The following ENTPD3 variants were observed in gnomAD, a reference collection of about 807,000 sequenced individuals.
The protein encoded by ENTPD3 is CD39 antigen-like 3.
ENTPD3 carries 60 observed loss-of-function variants against 51.2 expected under a neutral mutation model. That is an observed-to-expected ratio of 1.17 (90% CI 0.95 to 1.45). ENTPD3 has a LOEUF of 1.45. ENTPD3 is among the 40% of genes most tolerant of loss of function. ENTPD3 has a pLI of 0.00. For missense variants in ENTPD3, 593 were observed against 641.1 expected, an observed-to-expected ratio of 0.93 and a Z score of 0.81; for synonymous variants, 221 against 238.4, an observed-to-expected ratio of 0.93 and a Z score of 0.67.
chr3:40,390,495 CAA>C (rs1166148820), intron 2 of ENTPD3, among the ~76,000 whole-genome samples: 2 of 152,072 alleles, frequency 1.3e-5, no homozygotes, highest in Non-Finnish European at 2.9e-5. Flanking sequence ...ATACCCAGCC[CAA>C]GATTATTATT....
intron 4 of ENTPD3, among the ~76,000 whole-genome samples, chr3:40,408,032 G>A (rs975965309): frequency 6.6e-6 from 1 of 152,046 alleles, no homozygotes; most frequent in Non-Finnish European, 1.5e-5. Flanking sequence ...GACACCTCAC[G>A]GATCCAATCA....
Position 40,421,963 on chromosome 3 carries a change from T to C in ENTPD3, c.832-887T>C, listed in dbSNP as rs2125610563. On this transcript the variant is annotated intron_variant, in intron 7 of 10. Coordinates refer to ENST00000301825, the MANE Select transcript of ENTPD3 (RefSeq NM_001248.4). ...ACTTTCATATGTTTATTTGTACCTT[T>C]TGGATTATTTTGCTAGATGGATGGG... 2.0e-5 allele frequency among the ~76,000 whole-genome samples: 3 copies of C among 152,286 alleles called. No homozygotes were observed. In the Middle Eastern group the frequency reaches 0.01, roughly 518 times the overall value.
intron 4 of ENTPD3, among the ~76,000 whole-genome samples, chr3:40,407,366 T>C (rs985988967): frequency 1.3e-5 from 2 of 152,218 alleles, no homozygotes; most frequent in Non-Finnish European, 2.9e-5. Flanking sequence ...ACTTTACTTG[T>C]GGACACTGAC....
At chr3:40,424,012 TTGTA>T (rs1329804747) in intron 10 of ENTPD3, 49 bp downstream of exon 10, 8 of 1,612,524 alleles carry the variant, frequency 5.0e-6, no homozygotes. Context: ...ACAGAGAGGT[TTGTA>T]TGTGTGTGTG....
At chr3:40,395,740 C>T (rs1399884245) in intron 3 of ENTPD3, among the ~76,000 whole-genome samples, 2 of 152,162 alleles carry the variant, frequency 1.3e-5, no homozygotes, top group African/African-American at 4.8e-5. Flanking sequence ...GTCCTTCTGG[C>T]ATATTTTGTG....
At chr3:40,417,610 C>T (rs1042386141) in intron 7 of ENTPD3, among the ~76,000 whole-genome samples, 13 of 152,102 alleles carry the variant, frequency 8.5e-5, no homozygotes, top group Admixed American at 1.3e-4. Flanking sequence ...CCTTCCATGG[C>T]TCCCATCCCA....
chr3:40,415,880 A>ACTT lies in ENTPD3; in HGVS notation c.638_639insCTT (p.Glu213delinsAspLeu). 6.2e-7 allele frequency: 1 copy of ACTT among 1,614,124 alleles called. No individual in the cohort carries two copies. Among genetic ancestry groups the ACTT allele is most frequent in the East Asian group, 2.2e-5 (1 of 44,866 alleles). On this transcript the variant is annotated protein_altering_variant, in exon 7 of 11. Transcript: ENST00000301825. ...ATGTGGGTGCACCCGCATGGAGTGGAAACCACGGGTGCCCTGGACTTAGGT... is the reference window on the plus strand; with the variant it reads ...ATGTGGGTGCACCCGCATGGAGTGGACTTAACCACGGGTGCCCTGGACTTAGGT...
chr3:40,411,351 T>TA (rs1401994196), intron 4 of ENTPD3, among the ~76,000 whole-genome samples: 1 of 151,548 alleles, frequency 6.6e-6, no homozygotes, highest in African/African-American at 2.4e-5. Flanking sequence ...TGTACAGGTA[T>TA]AATAATTCAA....
rs753376689 is a variant in ENTPD3 at position 40,424,011 on chromosome 3, TTTG to T, written c.1353+50_1353+52del. The T allele has an allele frequency of 3.5e-5, 56 of 1,612,488 alleles. 1 individual carries two copies. In the Admixed American group the frequency reaches 9.3e-4, roughly 27 times the overall value. ...TCTCTTCTTCTTCCCAACAGAGAGG[TTTG>T]TATGTGTGTGTGGAACAAATGTAGA... On this transcript the variant is annotated intron_variant, in intron 10 of 10. Transcript: ENST00000301825.
rs562618641 is a variant in ENTPD3, at chr3:40,417,650, C to G, written c.831+1577C>G. Among the ~76,000 whole-genome samples, 3 of 152,292 alleles carry G rather than the reference C, an allele frequency of 2.0e-5. No individual in the cohort carries two copies. In the South Asian group the frequency reaches 6.2e-4, roughly 32 times the overall value. Reference sequence around the variant, plus strand: ...CCACCTCCCTGCCCAGTCAGCCAAACCAAACCCTACAGGTAACTCAATCAA... The same window carrying G: ...CCACCTCCCTGCCCAGTCAGCCAAAGCAAACCCTACAGGTAACTCAATCAA... On this transcript the variant is annotated intron_variant, in intron 7 of 10. Transcript: ENST00000301825.
intron 3 of ENTPD3, among the ~76,000 whole-genome samples, chr3:40,398,991 G>A (rs1004346909): frequency 6.6e-6 from 1 of 152,140 alleles, no homozygotes; most frequent in African/African-American, 2.4e-5. Context: ...GGAGGCGGAG[G>A]TGGGTGAATC....
intron 4 of ENTPD3, among the ~76,000 whole-genome samples, chr3:40,405,689 G>A (rs529616577): frequency 5.1e-4 from 77 of 152,194 alleles, no homozygotes; most frequent in African/African-American, 1.8e-3. Context: ...TTAGAAGCCT[G>A]TGAATCCTAT....
chr3:40,424,952 T>C (rs1955954339), intron 10 of ENTPD3: 2 of 545,376 alleles, frequency 3.7e-6, no homozygotes, highest in Non-Finnish European at 3.3e-6. Context: ...GTTGGTAGCA[T>C]GTACTCTCTA....
intron 5 of ENTPD3, among the ~76,000 whole-genome samples, chr3:40,412,857 G>C (rs556013817): frequency 6.6e-6 from 1 of 152,234 alleles, no homozygotes; most frequent in East Asian, 1.9e-4. Context: ...CTGATTTCCT[G>C]GTTGACCACA....
At chr3:40,389,680 A>C (rs1955011903) in intron 2 of ENTPD3, among the ~76,000 whole-genome samples, 1 of 152,228 alleles carries the variant, frequency 6.6e-6, no homozygotes, top group Non-Finnish European at 1.5e-5. Context: ...GCTACACTGC[A>C]GGGGAATCAG....
intron 4 of ENTPD3, among the ~76,000 whole-genome samples, chr3:40,403,060 G>A (rs987716178): frequency 2.0e-5 from 3 of 152,140 alleles, no homozygotes; most frequent in Admixed American, 6.5e-5. Context: ...AGCCCGAGCA[G>A]CCTCCTTTGT....
intron 8 of ENTPD3, 29 bp from the exon 9 acceptor site, chr3:40,423,262 T>G: frequency 1.3e-6 from 2 of 1,590,972 alleles, no homozygotes; most frequent in South Asian, 2.2e-5. Flanking sequence ...TTCTGAGAAC[T>G]AATTTTCTTC....
chr3:40,400,802 T>C (rs1955335832), intron 3 of ENTPD3, 92 bp from the exon 4 acceptor site: 2 of 884,458 alleles, frequency 2.3e-6, no homozygotes, highest in East Asian at 2.5e-5. Context: ...GCAGTGTGGA[T>C]TAAGGTACTC....
intron 9 of ENTPD3, 29 bp from the exon 10 acceptor site, chr3:40,423,797 C>T: frequency 1.2e-6 from 2 of 1,610,100 alleles, no homozygotes; most frequent in Non-Finnish European, 1.7e-6. Flanking sequence ...CCTGCCTGCC[C>T]TGCCTCTCAG....
Sources: allele counts gnomAD v4.1 joint callset (sites outside exome capture counted in the v4.1 genomes callset), GRCh38; gene constraint gnomAD v4.1.1; transcripts MANE v1.5; gene names NCBI Gene and HGNC (gene_info 2026-07-23, HGNC 2026-07-21).